MICAL2: variants seen among roughly 807,000 people sequenced by gnomAD.
The protein encoded by MICAL2 is [F-actin]-monooxygenase MICAL2.
MICAL2 carries 77 observed loss-of-function variants against 127.3 expected under a neutral mutation model. The ratio of observed to expected loss-of-function variants is 0.60; its 90% confidence interval spans 0.50 to 0.73. MICAL2 has a LOEUF of 0.73. Among genes scored for constraint, MICAL2 ranks in the 30% least tolerant of loss-of-function variants. MICAL2 has a pLI of 0.00. For missense variants in MICAL2, 1,351 were observed against 1,434.4 expected (o/e 0.94, Z 0.94); for synonymous variants, 570 against 551.1 (o/e 1.03, Z -0.48).
chr11:12,134,835 A>AAG (rs1261562999), intron 1 of MICAL2, among the ~76,000 whole-genome samples: 1 of 152,088 alleles, frequency 6.6e-6, no homozygotes, highest in Non-Finnish European at 1.5e-5. Flanking sequence ...ACAAAAAAAA[A>AAG]ATTAAATTAA....
intron 1 of MICAL2, among the ~76,000 whole-genome samples, chr11:12,134,576 T>C (rs997659609): frequency 1.3e-5 from 2 of 152,192 alleles, no homozygotes; most frequent in Non-Finnish European, 2.9e-5. Flanking sequence ...TGGGTCTCAC[T>C]GGGTGTGCAG....
downstream of MICAL2, among the ~76,000 whole-genome samples, chr11:12,295,233 G>A (rs968695135): frequency 6.6e-6 from 1 of 151,360 alleles, no homozygotes; most frequent in African/African-American, 2.4e-5. Flanking sequence ...TCTGTCTCTC[G>A]GGTTCAAGTG....
chr11:12,196,576 G>A (rs1456077241), intron 3 of MICAL2, among the ~76,000 whole-genome samples: 5 of 152,124 alleles, frequency 3.3e-5, no homozygotes, highest in Non-Finnish European at 7.4e-5. Context: ...TGCAGGGCAG[G>A]AGAGAGTCAA....
At chr11:12,174,894 G>A (rs1340625317) in intron 3 of MICAL2, among the ~76,000 whole-genome samples, 1 of 152,208 alleles carries the variant, frequency 6.6e-6, no homozygotes, top group Non-Finnish European at 1.5e-5. Context: ...GCCAAGGTGA[G>A]TAGATTGCTT....
At chr11:12,262,611 G>T in intron 27 of MICAL2, 74 bp downstream of exon 27, 2 of 1,252,144 alleles carry the variant, frequency 1.6e-6, no homozygotes, top group East Asian at 2.3e-5. Flanking sequence ...CGTCCTCTCC[G>T]CCAGCAGTAC....
chr11:12,224,643 G>T lies in MICAL2; in HGVS notation c.1541-30G>T, dbSNP rs752530048. The stretch of plus-strand genomic sequence containing the variant: ...GCAGACCGTGTGAGATTCCTGCAGA[G>T]CCTCACTGCCTGCGCTCTCCTTCTT... On this transcript the variant is annotated intron_variant, in intron 12 of 27. Transcript: ENST00000683283. 7.6e-5 allele frequency: 122 copies of T among 1,606,090 alleles called. 1 individual carries two copies. The highest frequency in any genetic ancestry group is 9.7e-5 in the Non-Finnish European group (114 of 1,173,796).
chr11:12,140,322 G>A (rs139820537), intron 2 of MICAL2, among the ~76,000 whole-genome samples: 46 of 152,258 alleles, frequency 3.0e-4, no homozygotes, highest in African/African-American at 8.9e-4. Flanking sequence ...TTAGGCAGGC[G>A]GTAGCCTGCC....
chr11:12,144,589 G>GT (rs1260190403), intron 2 of MICAL2, among the ~76,000 whole-genome samples: 1 of 152,150 alleles, frequency 6.6e-6, no homozygotes, highest in Non-Finnish European at 1.5e-5. Flanking sequence ...TGTTCTCAAT[G>GT]TAGTGAATTG....
At chr11:12,132,716 T>G (rs7108658) in intron 1 of MICAL2, among the ~76,000 whole-genome samples, 7,162 of 152,266 alleles carry the variant, frequency 0.047, 558 homozygotes, top group African/African-American at 0.16. Context: ...TAGAGCCAAG[T>G]CTCTGCCAAG....
chr11:12,269,847 C>T (rs908607934), intron 24 of MICAL2, among the ~76,000 whole-genome samples: 26 of 152,334 alleles, frequency 1.7e-4, no homozygotes, highest in African/African-American at 4.6e-4. Flanking sequence ...CCTACACACA[C>T]GGGCCAGGTC....
chr11:12,298,787 A>G (rs1383717073), intron 29 of MICAL2, among the ~76,000 whole-genome samples: 1 of 152,130 alleles, frequency 6.6e-6, no homozygotes, highest in Non-Finnish European at 1.5e-5. Flanking sequence ...AATATTACGA[A>G]TTATATCGTA....
chr11:12,254,243 C>T (rs1316256388), intron 22 of MICAL2: 2 of 152,222 alleles, frequency 1.3e-5, no homozygotes, highest in East Asian at 1.9e-4. Context: ...TGCCAAGTGC[C>T]AGGCAATAGG....
At chr11:12,349,327 G>C (rs1157471776) in intron 32 of MICAL2, among the ~76,000 whole-genome samples, 1 of 152,000 alleles carries the variant, frequency 6.6e-6, no homozygotes, top group African/African-American at 2.4e-5. Flanking sequence ...GCTTTTCTTT[G>C]TTCAAAAAAT....
chr11:12,300,334 A>G (rs1303927105), intron 29 of MICAL2, among the ~76,000 whole-genome samples: 2 of 152,170 alleles, frequency 1.3e-5, no homozygotes, highest in Non-Finnish European at 2.9e-5. Context: ...CGGTGGGAAC[A>G]TAAATATGAT....
At chr11:12,194,981 G>A (rs1015759097) in intron 3 of MICAL2, among the ~76,000 whole-genome samples, 1 of 152,322 alleles carries the variant, frequency 6.6e-6, no homozygotes. Context: ...TTAAACCTGG[G>A]CCAGACACAG....
At chr11:12,319,928 A>G (rs1864274011) in intron 30 of MICAL2, 5 of 714,276 alleles carry the variant, frequency 7.0e-6, no homozygotes, top group South Asian at 6.9e-5. Context: ...ATCATGTTTC[A>G]TTGCATCTGA....
intron 18 of MICAL2, 73 bp downstream of exon 18, chr11:12,241,235 G>A: frequency 1.3e-6 from 2 of 1,540,830 alleles, no homozygotes; most frequent in South Asian, 2.5e-5. Context: ...TGGGGTCAGT[G>A]GCTCTTCCCA....
In MICAL2 at chr11:12,153,650, C is replaced by T. The variant is rs149851498; in HGVS notation, c.-77-8429C>T. 9.5e-3 allele frequency among the ~76,000 whole-genome samples: 1,451 copies of T among 152,282 alleles called. 21 individuals are homozygous for T. Among genetic ancestry groups the T allele is most frequent in the African/African-American group, 0.034 (1,395 of 41,564 alleles). ...ATGGGGTTTCACCATATTGGTCAGG[C>T]TGGTCTCAAACTCCTGACCTCGAGT... On this transcript the variant is annotated intron_variant, in intron 2 of 27. Transcript: ENST00000683283.
intron 32 of MICAL2, among the ~76,000 whole-genome samples, chr11:12,334,871 G>T (rs1167375984): frequency 3.3e-5 from 5 of 151,962 alleles, no homozygotes; most frequent in Non-Finnish European, 5.9e-5. Flanking sequence ...ATTTGGGTTG[G>T]TTCCAAGTCT....
Sources: gnomAD v4.1 joint callset for allele counts (sites outside exome capture counted in the v4.1 genomes callset) on GRCh38, gnomAD v4.1.1 for gene constraint, MANE v1.5 for transcripts, NCBI Gene and HGNC (gene_info 2026-07-23, HGNC 2026-07-21) for gene names.